NRXN1: variants seen among roughly 807,000 people sequenced by gnomAD.
NRXN1 encodes the protein neurexin 1, also known as neurexin-1.
Under a neutral mutation model 150.9 loss-of-function variants are expected in NRXN1, and 39 were observed. The observed-to-expected ratio is 0.26, with a 90% CI of 0.20 to 0.34. The LOEUF (loss-of-function observed/expected upper bound fraction) is 0.34. Among genes scored for constraint, NRXN1 ranks in the 10% least tolerant of loss-of-function variants. The probability of loss-of-function intolerance (pLI) is 1.00; values close to 1 mark genes in which losing one functional copy is unlikely to be tolerated. For synonymous variants in NRXN1, 924 were observed against 757.0 expected, an observed-to-expected ratio of 1.22 and a Z score of -3.62; for missense variants, 1,815 against 1,949.9, an observed-to-expected ratio of 0.93 and a Z score of 1.30.
chr2:50,316,657 T>C (rs894454644), intron 17 of NRXN1, among the ~76,000 whole-genome samples: 3 of 152,080 alleles, frequency 2.0e-5, no homozygotes, highest in African/African-American at 7.2e-5. Context: ...TACAGTTAAG[T>C]ATAAATCTGC....
rs190185686 is a variant in NRXN1, at chr2:50,491,012, G to A, written c.3070+4893C>T. Among the ~76,000 whole-genome samples the A allele has an allele frequency of 7.2e-5, 11 of 152,144 alleles. No homozygotes were observed. The East Asian group carries it at 2.1e-3, about 29-fold the overall frequency. On this transcript the variant is annotated intron_variant, in intron 15 of 22. Transcript: ENST00000401669. ...AACTAATAAAGATGGCCTAACCACA[G>A]GACAGCAGGACCTTCCCTCCACTTC... is the stretch of plus-strand genomic sequence containing the variant.
In NRXN1 at chr2:50,947,640, TG is replaced by T. The variant is rs540380105; in HGVS notation, c.773-21686del. On this transcript the variant is annotated intron_variant, in intron 2 of 22. Coordinates refer to ENST00000401669, the MANE Select transcript of NRXN1 (RefSeq NM_001330078.2). ...CAGTGAATATGCTTCTTGTGATTTTTGGACCCTAGAATCCATCAATTAAAAT... is the reference window on the plus strand; with the variant it reads ...CAGTGAATATGCTTCTTGTGATTTTTGACCCTAGAATCCATCAATTAAAAT... Among the ~76,000 whole-genome samples, 183 of 152,102 alleles carry T rather than the reference TG, an allele frequency of 1.2e-3. 2 individuals are homozygous for T. The highest frequency in any genetic ancestry group is 4.3e-3 in the African/African-American group (179 of 41,560).
chr2:50,463,146 C>T (rs888358317), intron 17 of NRXN1, among the ~76,000 whole-genome samples: 1 of 151,760 alleles, frequency 6.6e-6, no homozygotes, highest in African/African-American at 2.4e-5. Context: ...CCCCAGGAAT[C>T]ACACTAATTC....
At chr2:50,429,147 A>G (rs1411198476) in intron 17 of NRXN1, among the ~76,000 whole-genome samples, 1 of 152,202 alleles carries the variant, frequency 6.6e-6, no homozygotes, top group Non-Finnish European at 1.5e-5. Context: ...GGGAATAATA[A>G]TGAGAGCATT....
chr2:50,931,083 T>C (rs1334078084), intron 2 of NRXN1, among the ~76,000 whole-genome samples: 1 of 152,148 alleles, frequency 6.6e-6, no homozygotes, highest in African/African-American at 2.4e-5. Flanking sequence ...CTTTGGCCTG[T>C]GTATTACCAT....
intron 5 of NRXN1, among the ~76,000 whole-genome samples, chr2:50,633,157 C>T (rs1243243498): frequency 6.6e-6 from 1 of 152,102 alleles, no homozygotes; most frequent in African/African-American, 2.4e-5. Flanking sequence ...TGAAAACTAT[C>T]ATGCATTCTG....
rs542668184 is a variant in NRXN1, at chr2:50,355,546, C to A, written c.3364+109896G>T. ...ATTTCTCACTCTTCCATAAAACACA[C>A]TGCACACTTTTTGTTGTTGTTGTTT... is the stretch of plus-strand genomic sequence containing the variant. On this transcript the variant is annotated intron_variant, in intron 17 of 22. Coordinates refer to ENST00000401669, the MANE Select transcript of NRXN1 (RefSeq NM_001330078.2). Among the ~76,000 whole-genome samples the A allele has an allele frequency of 2.0e-5, 3 of 152,228 alleles. No homozygotes were observed. The South Asian group carries it at 6.2e-4, about 32-fold the overall frequency.
chr2:50,723,498 T>C (rs1696933404), intron 5 of NRXN1, among the ~76,000 whole-genome samples: 1 of 152,150 alleles, frequency 6.6e-6, no homozygotes, highest in Non-Finnish European at 1.5e-5. Flanking sequence ...ATGTGGAAAG[T>C]CGGGATTATT....
chr2:50,434,108 G>A (rs916230719), intron 17 of NRXN1, among the ~76,000 whole-genome samples: 1 of 133,718 alleles, frequency 7.5e-6, no homozygotes, highest in Non-Finnish European at 1.5e-5. Flanking sequence ...CCAGGCTGGA[G>A]TGCAATGGCT....
intron 5 of NRXN1, among the ~76,000 whole-genome samples, chr2:50,758,657 A>G (rs929007807): frequency 2.0e-5 from 3 of 151,922 alleles, no homozygotes; most frequent in African/African-American, 4.8e-5. Flanking sequence ...TCTTGCATCC[A>G]GAAATGAATT....
chr2:50,271,558 A>C (rs1486561002), intron 17 of NRXN1, among the ~76,000 whole-genome samples: 1 of 152,194 alleles, frequency 6.6e-6, no homozygotes, highest in African/African-American at 2.4e-5. Context: ...AAAACATATT[A>C]GGACAGGTTG....
At chr2:50,645,478 G>T (rs192199128) in intron 5 of NRXN1, among the ~76,000 whole-genome samples, 1 of 151,716 alleles carries the variant, frequency 6.6e-6, no homozygotes, top group Non-Finnish European at 1.5e-5. Flanking sequence ...AAACTATAAC[G>T]TATTTATTTA....
At chr2:50,272,656 T>A (rs886906093) in intron 17 of NRXN1, among the ~76,000 whole-genome samples, 5 of 151,914 alleles carry the variant, frequency 3.3e-5, no homozygotes, top group African/African-American at 1.2e-4. Context: ...ATAAATAAAA[T>A]CCACTCCAAC....
intron 9 of NRXN1, chr2:50,548,345 T>A (rs1235135550): frequency 6.6e-6 from 1 of 152,212 alleles, no homozygotes; most frequent in Non-Finnish European, 1.5e-5. Context: ...CAGTGGCTTA[T>A]TTCAAACATC....
At chr2:50,966,332 C>T (rs1432708335) in intron 2 of NRXN1, among the ~76,000 whole-genome samples, 1 of 150,212 alleles carries the variant, frequency 6.7e-6, no homozygotes, top group Non-Finnish European at 1.5e-5. Context: ...TCCCCCAATC[C>T]CAAAAGAGTT....
intron 5 of NRXN1, among the ~76,000 whole-genome samples, chr2:50,690,928 C>T (rs1432340038): frequency 6.6e-6 from 1 of 152,162 alleles, no homozygotes; most frequent in Non-Finnish European, 1.5e-5. Flanking sequence ...GAAATATCTG[C>T]CCCCTCATCG....
At chr2:50,168,495 A>C (rs919155851) in intron 18 of NRXN1, among the ~76,000 whole-genome samples, 2 of 152,194 alleles carry the variant, frequency 1.3e-5, no homozygotes, top group African/African-American at 4.8e-5. Context: ...TTGAGTGAGA[A>C]AAGCTATTAG....
chr2:50,640,367 T>C (rs2104473327), intron 5 of NRXN1, among the ~76,000 whole-genome samples: 1 of 152,316 alleles, frequency 6.6e-6, no homozygotes, highest in Non-Finnish European at 1.5e-5. Context: ...TTCTTTAAAC[T>C]AAAATTATAC....
intron 15 of NRXN1, among the ~76,000 whole-genome samples, chr2:50,479,608 G>A (rs1558802662): frequency 7.3e-6 from 1 of 136,284 alleles, no homozygotes; most frequent in Non-Finnish European, 1.6e-5. Context: ...ATGAATGGAT[G>A]AATTAGTAGT....
Sources: allele counts gnomAD v4.1 joint callset (sites outside exome capture counted in the v4.1 genomes callset), GRCh38; gene constraint gnomAD v4.1.1; transcripts MANE v1.5; gene names NCBI Gene and HGNC (gene_info 2026-07-23, HGNC 2026-07-21).